Variants in SBNO2 observed in about 807,000 individuals in gnomAD.
The protein encoded by SBNO2 is protein strawberry notch homolog 2.
In SBNO2, 89 loss-of-function variants were observed where a neutral mutation model predicts 146.3. The ratio of observed to expected loss-of-function variants is 0.61; its 90% CI spans 0.51 to 0.73. The LOEUF (loss-of-function observed/expected upper bound fraction) is 0.73, where lower values mean the gene tolerates loss of function less well. Ranked by LOEUF, SBNO2 falls within the 30% of genes least tolerant of loss-of-function variation. The pLI is 0.00. For missense variants in SBNO2, 2,092 were observed against 2,003.7 expected (o/e 1.04, Z -0.84); for synonymous variants, 1,147 against 892.6 (o/e 1.29, Z -5.08).
intron 4 of SBNO2, chr19:1,132,240 G>T (rs1210221479): frequency 1.5e-6 from 2 of 1,303,066 alleles, no homozygotes; most frequent in South Asian, 2.1e-5. Context: ...CGGGGCGGAC[G>T]GGGGCGGCTC....
At chr19:1,120,658 G>C (rs1410778718) in intron 11 of SBNO2, among the ~76,000 whole-genome samples, 2 of 150,820 alleles carry the variant, frequency 1.3e-5, no homozygotes, top group African/African-American at 2.4e-5. Flanking sequence ...GGTGTGAGCC[G>C]TGCCCAGCCC....
In SBNO2 at chr19:1,108,179, A is replaced by G. The variant is rs1390590538; in HGVS notation, c.*41T>C. ...CCCCACCGCTGCTCCTAGGGGAGAA[A>G]CGGTCCCTGTGTCTTGGGGCATGTT... On this transcript the variant is annotated 3_prime_UTR_variant, in exon 32 of 32. Transcript: ENST00000361757. The G allele has an allele frequency of 6.7e-6, 10 of 1,498,010 alleles. No individual in the cohort carries two copies. The highest frequency in any genetic ancestry group is 8.9e-6 in the Non-Finnish European group (10 of 1,118,434). The allele number at this position is 1,498,010 out of a possible 1,614,324, so 92.8% of individuals were successfully genotyped here.
At chr19:1,162,451 C>A (rs966142225) in intron 1 of SBNO2, among the ~76,000 whole-genome samples, 1 of 141,474 alleles carries the variant, frequency 7.1e-6, no homozygotes, top group Non-Finnish European at 1.6e-5. Flanking sequence ...AAGAGCGAGA[C>A]TCCGTCTCAA....
Position 1,114,505 on chromosome 19 carries a change from A to G in SBNO2, c.1886-83T>C, listed in dbSNP as rs1208218286. 3.3e-6 allele frequency: 4 copies of G among 1,209,172 alleles called. No homozygotes were observed. In the African/African-American group the frequency reaches 6.2e-5, roughly 19 times the overall value. The allele number at this position is 1,209,172 out of a possible 1,614,324, so 74.9% of individuals were successfully genotyped here. A position where few individuals can be genotyped will look rare whatever the true frequency, so the allele number is the denominator to read the frequency against. On this transcript the variant is annotated intron_variant, in intron 17 of 31. Coordinates refer to ENST00000361757, the MANE Select transcript of SBNO2 (RefSeq NM_014963.3). ...GGAGGAGACGCAGCAGGACAGAGCA[A>G]GGCCAGTGGTCCGAGCTGGGGAGGT...
chr19:1,159,179 C>T (rs1330244284), intron 1 of SBNO2, among the ~76,000 whole-genome samples: 1 of 150,824 alleles, frequency 6.6e-6, no homozygotes, highest in African/African-American at 2.5e-5. Flanking sequence ...CAACTCGCAT[C>T]CTAGGACCGG....
rs1450678210 is a variant in SBNO2, at chr19:1,122,457, A to G, written c.1005+11T>C. On this transcript the variant is annotated intron_variant, in intron 10 of 31. Coordinates refer to ENST00000361757, the MANE Select transcript of SBNO2 (RefSeq NM_014963.3). ...CACCTTGCCCCCTACTTTGCCGAGC[A>G]CAGCCCCTACCTTGCTGAGCGCGTG... The G allele has an allele frequency of 7.0e-6, 11 of 1,566,842 alleles. No homozygotes were observed. The highest frequency in any genetic ancestry group is 9.5e-6 in the Non-Finnish European group (11 of 1,157,896).
Position 1,112,540 on chromosome 19 carries a change from A to AG in SBNO2, c.2380-4dup. 2 of 1,596,788 alleles carry AG rather than the reference A, an allele frequency of 1.3e-6. No individual in the cohort carries two copies. Among genetic ancestry groups the AG allele is most frequent in the Non-Finnish European group, 1.7e-6 (2 of 1,175,980 alleles). The stretch of plus-strand genomic sequence containing the variant: ...GCCTCCGAGATGATGGCCACGAGCT[A>AG]GGGGGAAAGAAGGGGCCGGGACACG... On this transcript the variant is annotated splice_region_variant and splice_polypyrimidine_tract_variant and intron_variant, in intron 20 of 31. Coordinates refer to ENST00000361757, the MANE Select transcript of SBNO2 (RefSeq NM_014963.3). This position sits in a 1 kb window ranked among gnomAD's most constrained non-coding sequence, Gnocchi z 5.9.
In SBNO2 at chr19:1,140,395, G is replaced by A. The variant is rs148215349; in HGVS notation, c.279+6914C>T. 3.3e-5 allele frequency among the ~76,000 whole-genome samples: 5 copies of A among 152,286 alleles called. No individual in the cohort carries two copies. Among genetic ancestry groups the A allele is most frequent in the East Asian group, 3.9e-4 (2 of 5,178 alleles). On this transcript the variant is annotated intron_variant, in intron 4 of 31. Transcript: ENST00000361757. This position sits in a 1 kb window ranked among gnomAD's most constrained non-coding sequence, Gnocchi z 4.4. ...GGCAGGGGGCCCCACCAGGACACAC[G>A]GGGCTGAGCCATCACCCACCAGGGA...
At chr19:1,134,232 A>T (rs1599853295) in intron 4 of SBNO2, among the ~76,000 whole-genome samples, 1 of 142,266 alleles carries the variant, frequency 7.0e-6, no homozygotes, top group East Asian at 2.0e-4. Context: ...CACAGGACCT[A>T]CAGCTCACGG....
At position 1,112,542 on chromosome 19, in the gene SBNO2, G is replaced by T; in HGVS notation, c.2380-5C>A. Reference sequence around the variant, plus strand: ...CTCCGAGATGATGGCCACGAGCTAGGGGGAAAGAAGGGGCCGGGACACGGT... The same window carrying T: ...CTCCGAGATGATGGCCACGAGCTAGTGGGAAAGAAGGGGCCGGGACACGGT... On this transcript the variant is annotated splice_region_variant and splice_polypyrimidine_tract_variant and intron_variant, in intron 20 of 31. Coordinates refer to ENST00000361757, the MANE Select transcript of SBNO2 (RefSeq NM_014963.3). This position sits in a 1 kb window ranked among gnomAD's most constrained non-coding sequence, Gnocchi z 5.9. 6.3e-7 allele frequency: 1 copy of T among 1,594,514 alleles called. No individual in the cohort carries two copies. Among genetic ancestry groups the T allele is most frequent in the South Asian group, 1.1e-5 (1 of 89,408 alleles).
chr19:1,153,428 A>G (rs182799250), intron 2 of SBNO2, among the ~76,000 whole-genome samples: 8,027 of 151,026 alleles, frequency 0.053, 350 homozygotes, highest in East Asian at 0.24. Flanking sequence ...TAGTAGAGAC[A>G]GGGTTTCACC....
At chr19:1,132,831 G>A (rs2080046465) in intron 4 of SBNO2, among the ~76,000 whole-genome samples, 1 of 152,226 alleles carries the variant, frequency 6.6e-6, no homozygotes, top group South Asian at 2.1e-4. Context: ...AGCTGAGCCT[G>A]GGCCCCTCCT....
rs754130634 is a variant in SBNO2 at position 1,115,955 on chromosome 19, A to G, written c.1885+66T>C. The G allele has an allele frequency of 4.8e-5, 52 of 1,079,044 alleles. No homozygotes were observed. The African/African-American group carries it at 5.5e-4, about 11-fold the overall frequency. The allele number at this position is 1,079,044 out of a possible 1,614,324, so 66.8% of individuals were successfully genotyped here. A position where few individuals can be genotyped will look rare whatever the true frequency, so the allele number is the denominator to read the frequency against. ...GGAGTGGGGGAAGCAGGGAGCGACC[A>G]GCCAGCCCCCGGGGGGAGAAAGCAG... On this transcript the variant is annotated intron_variant, in intron 17 of 31. Transcript: ENST00000361757.
At chr19:1,111,204 G>T in intron 24 of SBNO2, 111 bp from the exon 25 acceptor site, 1 of 1,230,926 alleles carries the variant, frequency 8.1e-7, no homozygotes. Context: ...GGGAGCAGCT[G>T]CAGCCTAGGG....
At chr19:1,162,737 T>C (rs1456432695) in intron 1 of SBNO2, among the ~76,000 whole-genome samples, 1 of 152,204 alleles carries the variant, frequency 6.6e-6, no homozygotes, top group Non-Finnish European at 1.5e-5. Context: ...GCCCCTCATC[T>C]GACACACAGA....
rs2079693477 is a variant in SBNO2, at chr19:1,108,086, G to A, written c.*134C>T. ...CTGACCAGGTGGGGGCCCGGGTCGGGCGCTGAAGGCACTGCGGCCAGGGCC... is the reference window on the plus strand; with the variant it reads ...CTGACCAGGTGGGGGCCCGGGTCGGACGCTGAAGGCACTGCGGCCAGGGCC... On this transcript the variant is annotated 3_prime_UTR_variant, in exon 32 of 32. Transcript: ENST00000361757. 1.5e-5 allele frequency: 16 copies of A among 1,045,764 alleles called. No homozygotes were observed. The South Asian group carries it at 3.0e-4, about 20-fold the overall frequency. The allele number at this position is 1,045,764 out of a possible 1,614,324, so 64.8% of individuals were successfully genotyped here. A position where few individuals can be genotyped will look rare whatever the true frequency, so the allele number is the denominator to read the frequency against.
chr19:1,169,649 T>C (rs2080459203), intron 1 of SBNO2, among the ~76,000 whole-genome samples: 5 of 150,814 alleles, frequency 3.3e-5, no homozygotes, highest in Admixed American at 2.0e-4. Flanking sequence ...CAGCTGCCCA[T>C]CACCCCTTGA....
At position 1,109,776 on chromosome 19, in the gene SBNO2, G is replaced by A. The variant is rs1252195089; in HGVS notation, c.3030C>T (p.Asp1010=). ...REGKYDMGIL[D]LAPGIEEIYE... is the part of the protein sequence containing the mutation. ...AGATCTCCTCGATACCGGGAGCAAGGTCTAGGGGGGCGGGTGGAGGGTAAG... is the reference window on the plus strand; with the variant it reads ...AGATCTCCTCGATACCGGGAGCAAGATCTAGGGGGGCGGGTGGAGGGTAAG... Residue 1010 remains aspartate (D), a splice_region_variant and synonymous_variant, in exon 27 of 32, where the codon GAC becomes GAT. Transcript: ENST00000361757. The surrounding 1 kb of genome is among the most constrained non-coding windows in gnomAD (Gnocchi z 4.2). 6.3e-7 allele frequency: 1 copy of A among 1,575,336 alleles called. No individual in the cohort carries two copies. Among genetic ancestry groups the A allele is most frequent in the Non-Finnish European group, 8.7e-7 (1 of 1,155,958 alleles).
At chr19:1,147,168 C>A in intron 4 of SBNO2, 141 bp downstream of exon 4, 1 of 601,384 alleles carries the variant, frequency 1.7e-6, no homozygotes, top group Non-Finnish European at 2.9e-6. Flanking sequence ...ACTGCCCCAC[C>A]GTAAACCCTG....
Sources: allele counts gnomAD v4.1 joint callset (sites outside exome capture counted in the v4.1 genomes callset), GRCh38; gene constraint gnomAD v4.1.1; non-coding constraint Gnocchi (gnomAD v3.1); transcripts MANE v1.5; gene names NCBI Gene and HGNC (gene_info 2026-07-23, HGNC 2026-07-21).